The following SNX29 variants were observed in gnomAD, a reference collection of about 807,000 sequenced individuals.
SNX29 encodes sorting nexin 29, also known as sorting nexin-29.
In SNX29, 78 loss-of-function variants were observed where a neutral mutation model predicts 102.1. The observed-to-expected ratio is 0.76, with a 90% CI of 0.64 to 0.92. The LOEUF is 0.92. SNX29 is among the 40% of genes least tolerant of loss of function. The pLI is 0.00. For synonymous variants in SNX29, 580 were observed against 414.5 expected (o/e 1.40, Z -4.85); for missense variants, 1,280 against 1,061.7 (o/e 1.21, Z -2.86).
rs188971696 is a variant in SNX29 at position 12,242,675 on chromosome 16, G to A, written c.1679-35258G>A. Among the ~76,000 whole-genome samples, 3 of 143,604 alleles carry A rather than the reference G, an allele frequency of 2.1e-5. No homozygotes were observed. The East Asian group carries it at 6.1e-4, about 29-fold the overall frequency. The allele number at this position is 143,604 out of a possible 152,430, so 94.2% of individuals were successfully genotyped here. On this transcript the variant is annotated intron_variant, in intron 14 of 20. Transcript: ENST00000566228. The stretch of plus-strand genomic sequence containing the variant: ...CTTCTCTTCTCTTTTTTTTTTTGAG[G>A]CAGGGTCTTACTGTGTCACCCAGGC...
Position 12,131,561 on chromosome 16 carries a change from C to T in SNX29, c.1595+1803C>T, listed in dbSNP as rs971911650. Among the ~76,000 whole-genome samples, 4 of 152,108 alleles carry T rather than the reference C, an allele frequency of 2.6e-5. No homozygotes were observed. In the East Asian group the frequency reaches 5.8e-4, roughly 22 times the overall value. Reference sequence around the variant, plus strand: ...TGAGTGAACCCGCCATATTAAATTGCCCATTCCAGATTGGAATGATGAATT... The same window carrying T: ...TGAGTGAACCCGCCATATTAAATTGTCCATTCCAGATTGGAATGATGAATT... On this transcript the variant is annotated intron_variant, in intron 13 of 20. Transcript: ENST00000566228.
chr16:12,418,372 A>G (rs553044229), intron 18 of SNX29, among the ~76,000 whole-genome samples: 1 of 149,882 alleles, frequency 6.7e-6, no homozygotes, highest in African/African-American at 2.5e-5. Flanking sequence ...GATTGTATTT[A>G]TTTTTTTTTT....
At chr16:12,259,868 A>T (rs2078682280) in intron 14 of SNX29, among the ~76,000 whole-genome samples, 1 of 151,426 alleles carries the variant, frequency 6.6e-6, no homozygotes, top group Non-Finnish European at 1.5e-5. Context: ...CCCTGCTGAT[A>T]TAATGGACCT....
rs148962920 is a variant in SNX29, at chr16:12,515,939, G to C, written c.2179-8763G>C. Reference sequence around the variant, plus strand: ...GTCACAGTCCACTGCAGATCAGGCAGCCCCTCCTTTCTCCACGTGTGGGCT... The same window carrying C: ...GTCACAGTCCACTGCAGATCAGGCACCCCCTCCTTTCTCCACGTGTGGGCT... On this transcript the variant is annotated intron_variant, in intron 19 of 20. Transcript: ENST00000566228. 2.0e-3 allele frequency among the ~76,000 whole-genome samples: 310 copies of C among 152,222 alleles called. 2 individuals carry two copies. The highest frequency in any genetic ancestry group is 7.2e-3 in the African/African-American group (297 of 41,534).
rs1286036590 is a variant in SNX29 at position 12,403,540 on chromosome 16, G to A, written c.2037+11G>A. Reference sequence around the variant, plus strand: ...TTCCACGTGTATCAGGTGAGTGCCTGGTTTTCAGGTGGACATCACAGCTGG... The same window carrying A: ...TTCCACGTGTATCAGGTGAGTGCCTAGTTTTCAGGTGGACATCACAGCTGG... On this transcript the variant is annotated intron_variant, in intron 18 of 20. Transcript: ENST00000566228. The A allele has an allele frequency of 6.3e-7, 1 of 1,597,012 alleles. No individual in the cohort carries two copies. The highest frequency in any genetic ancestry group is 1.1e-5 in the South Asian group (1 of 87,898).
At chr16:12,033,804 A>G (rs2151143446) in intron 4 of SNX29, among the ~76,000 whole-genome samples, 1 of 152,026 alleles carries the variant, frequency 6.6e-6, no homozygotes, top group East Asian at 1.9e-4. Context: ...ACGGGGTTTC[A>G]TCATATTGGG....
chr16:12,399,271 C>T (rs1195056152), intron 17 of SNX29, among the ~76,000 whole-genome samples: 2 of 152,118 alleles, frequency 1.3e-5, no homozygotes, highest in South Asian at 2.1e-4. Context: ...AGGCTGGTCT[C>T]GAACTCCTGA....
Position 12,022,895 on chromosome 16 carries a change from C to CT in SNX29, c.123-4406dup, listed in dbSNP as rs34712388. Among the ~76,000 whole-genome samples, 816 of 124,150 alleles carry CT rather than the reference C, an allele frequency of 6.6e-3. 7 individuals are homozygous for CT. Among genetic ancestry groups the CT allele is most frequent in the African/African-American group, 0.015 (514 of 34,398 alleles). 81.4% of individuals were successfully genotyped at this position (124,150 alleles called of 152,430 possible). A position where few individuals can be genotyped will look rare whatever the true frequency, so the allele number is the denominator to read the frequency against. On this transcript the variant is annotated intron_variant, in intron 3 of 20. Transcript: ENST00000566228. ...TGTAGCATGGATCAGTACCTTATTC[C>CT]TTTTTTTTTTTTTTTTTTTGAGACC...
At chr16:12,445,249 A>C (rs2085996982) in intron 18 of SNX29, among the ~76,000 whole-genome samples, 1 of 152,228 alleles carries the variant, frequency 6.6e-6, no homozygotes, top group Admixed American at 6.5e-5. Flanking sequence ...ACAAAGACAA[A>C]GGTGAGTCTT....
chr16:12,321,773 T>C (rs185113272), intron 15 of SNX29, among the ~76,000 whole-genome samples: 28 of 152,124 alleles, frequency 1.8e-4, no homozygotes, highest in Non-Finnish European at 2.6e-4. Flanking sequence ...GAGTCATAGA[T>C]CTAGTTCTCA....
chr16:12,398,508 C>A lies in SNX29; in HGVS notation c.1955+7C>A, dbSNP rs763065033. ...GTTTGTCGGATTTTGAAATGTAAGTCCACAGCCTGTGCTCACAAGGGGTCC... is the reference window on the plus strand; with the variant it reads ...GTTTGTCGGATTTTGAAATGTAAGTACACAGCCTGTGCTCACAAGGGGTCC... On this transcript the variant is annotated splice_region_variant and intron_variant, in intron 17 of 20. Transcript: ENST00000566228. The A allele has an allele frequency of 3.1e-6, 5 of 1,613,758 alleles. No homozygotes were observed. The Admixed American group carries it at 6.7e-5, about 22-fold the overall frequency.
intron 4 of SNX29, among the ~76,000 whole-genome samples, chr16:12,036,383 G>T (rs2057474861): frequency 6.8e-6 from 1 of 146,534 alleles, no homozygotes; most frequent in African/African-American, 2.5e-5. Context: ...TGCCCAGGCT[G>T]GAGTGCAGTG....
chr16:12,182,628 A>T (rs937138563), intron 13 of SNX29, among the ~76,000 whole-genome samples: 3 of 152,114 alleles, frequency 2.0e-5, no homozygotes, highest in Non-Finnish European at 4.4e-5. Flanking sequence ...TTTACCCTCA[A>T]TGGGACATAG....
At chr16:12,404,933 C>T (rs990027516) in intron 18 of SNX29, among the ~76,000 whole-genome samples, 9 of 152,218 alleles carry the variant, frequency 5.9e-5, no homozygotes, top group Non-Finnish European at 8.8e-5. Context: ...TAGACTTTGG[C>T]ATGAGAAGTT....
chr16:12,170,822 AAGG>A (rs1475626982), intron 13 of SNX29, among the ~76,000 whole-genome samples: 1 of 151,324 alleles, frequency 6.6e-6, no homozygotes, highest in Non-Finnish European at 1.5e-5. Flanking sequence ...GTGTGTGACT[AAGG>A]AGTATGAGAG....
intron 11 of SNX29, among the ~76,000 whole-genome samples, chr16:12,101,869 A>G (rs1489144520): frequency 6.6e-6 from 1 of 152,116 alleles, no homozygotes; most frequent in Non-Finnish European, 1.5e-5. Context: ...TGCACCCATC[A>G]GCCCGTCATC....
chr16:12,199,758 C>CA, intron 14 of SNX29, 75 bp downstream of exon 14: 1 of 1,221,044 alleles, frequency 8.2e-7, no homozygotes, highest in South Asian at 1.3e-5. Context: ...ACGCAATAGA[C>CA]ACTCAATGTG....
intron 18 of SNX29, among the ~76,000 whole-genome samples, chr16:12,460,002 C>G (rs768534764): frequency 3.3e-5 from 5 of 152,210 alleles, no homozygotes; most frequent in Admixed American, 6.5e-5. Flanking sequence ...ATATACCGAA[C>G]AGAAGCATGG....
intron 18 of SNX29, among the ~76,000 whole-genome samples, chr16:12,473,344 G>C (rs1347925603): frequency 6.6e-6 from 1 of 152,204 alleles, no homozygotes; most frequent in African/African-American, 2.4e-5. Flanking sequence ...TCCAAAGGGA[G>C]AGGCACAAAT....
Sources: allele counts gnomAD v4.1 joint callset (sites outside exome capture counted in the v4.1 genomes callset), GRCh38; gene constraint gnomAD v4.1.1; transcripts MANE v1.5; gene names NCBI Gene and HGNC (gene_info 2026-07-23, HGNC 2026-07-21).